The following IFIT1 variants were observed in gnomAD, a reference collection of about 807,000 sequenced individuals.
IFIT1 encodes the protein antiviral innate immune response effector IFIT1.
IFIT1 carries 1 observed loss-of-function variant against 2.5 expected under a neutral mutation model. That is an observed-to-expected ratio of 0.40 (90% CI 0.14 to 1.92). IFIT1 has a LOEUF of 1.92. Among genes scored for constraint, IFIT1 ranks in the 40% most tolerant of loss-of-function variants. The pLI, the probability that IFIT1 is intolerant of heterozygous loss-of-function variation, is 0.31. For missense variants in IFIT1, 508 were observed against 557.8 expected, an observed-to-expected ratio of 0.91 and a Z score of 0.90; for synonymous variants, 191 against 201.7, an observed-to-expected ratio of 0.95 and a Z score of 0.45.
At position 89,403,324 on chromosome 10, in the gene IFIT1, A is replaced by G. The variant is rs1844471293; in HGVS notation, c.1049A>G (p.Tyr350Cys). ...GCTCATCTAGACCTGGCAAGAATGT[A>G]TATAGAAGCAGGCAATCACAGAAAA... ...EVAHLDLARM[Y>C]IEAGNHRKAE... Residue 350 changes from tyrosine to cysteine, a missense_variant, in exon 2 of 2, where the codon TAT becomes TGT. By Grantham distance (194) the Tyr-to-Cys change is radical. Transcript: ENST00000371804. The G allele has an allele frequency of 1.9e-6, 3 of 1,613,650 alleles. No individual in the cohort carries two copies. Among genetic ancestry groups the G allele is most frequent in the Non-Finnish European group, 2.5e-6 (3 of 1,179,922 alleles).
At chr10:89,396,724 A>G (rs1844349827) in intron 1 of IFIT1, among the ~76,000 whole-genome samples, 1 of 152,240 alleles carries the variant, frequency 6.6e-6, no homozygotes, top group African/African-American at 2.4e-5. Flanking sequence ...AGCACTTGTC[A>G]ATACTTGTTC....
Position 89,393,004 on chromosome 10 carries a change from A to G in IFIT1, c.5+287A>G, listed in dbSNP as rs552656301. ...GGAAAAGAGTTTTGCAGGAAGGGAG[A>G]AAATGATCCCAATCTGAGAGATTCT... On this transcript the variant is annotated intron_variant, in intron 1 of 1. Coordinates refer to ENST00000371804, the MANE Select transcript of IFIT1 (RefSeq NM_001548.5). 9 of 760,494 alleles carry G rather than the reference A, an allele frequency of 1.2e-5. No homozygotes were observed. The Admixed American group carries it at 1.9e-4, about 16-fold the overall frequency. The allele number at this position is 760,494 out of a possible 1,614,324, so 47.1% of individuals were successfully genotyped here.
rs1844277592 is a variant in IFIT1, at chr10:89,392,866, CAT to C, written c.5+150_5+151del. The C allele has an allele frequency of 1.5e-5, 12 of 792,678 alleles. No homozygotes were observed. In the East Asian group the frequency reaches 2.9e-4, roughly 19 times the overall value. 49.1% of individuals were successfully genotyped at this position (792,678 alleles called of 1,614,324 possible). ...TGCTTATGGACTGAATGTGTGCATG[CAT>C]GTGTGTGCACGTTCACACATACATA... is the stretch of plus-strand genomic sequence containing the variant. On this transcript the variant is annotated intron_variant, in intron 1 of 1. Transcript: ENST00000371804.
chr10:89,401,754 C>T (rs959245889), intron 1 of IFIT1, among the ~76,000 whole-genome samples: 5 of 149,710 alleles, frequency 3.3e-5, no homozygotes, highest in African/African-American at 9.9e-5. Context: ...TGCAACTTTC[C>T]GTGAATCTGT....
chr10:89,392,687 G>A lies in IFIT1; in HGVS notation c.-26G>A. 6.2e-7 allele frequency: 1 copy of A among 1,613,938 alleles called. No homozygotes were observed. Among genetic ancestry groups the A allele is most frequent in the South Asian group, 1.1e-5 (1 of 91,074 alleles). ...GAGCCTGGCTAAGCAAAACCCTGCA[G>A]AACGGCTGCCTAATTTACAGCAACC... On this transcript the variant is annotated 5_prime_UTR_variant, in exon 1 of 2. Coordinates refer to ENST00000371804, the MANE Select transcript of IFIT1 (RefSeq NM_001548.5).
chr10:89,399,660 T>C (rs1270814231), intron 1 of IFIT1, among the ~76,000 whole-genome samples: 1 of 152,220 alleles, frequency 6.6e-6, no homozygotes. Flanking sequence ...GTCATTCTTA[T>C]TGAAAATCAT....
intron 1 of IFIT1, among the ~76,000 whole-genome samples, chr10:89,396,463 G>T (rs567434987): frequency 6.6e-6 from 1 of 152,264 alleles, no homozygotes; most frequent in African/African-American, 2.4e-5. Context: ...TACAAAGAGG[G>T]TCTAAACCCA....
intron 1 of IFIT1, among the ~76,000 whole-genome samples, chr10:89,393,669 G>A (rs907328555): frequency 6.6e-6 from 1 of 152,222 alleles, no homozygotes. Flanking sequence ...GGCGTAAGTT[G>A]CAGTGAGCTG....
rs368328509 is a variant in IFIT1 at position 89,402,888 on chromosome 10, C to T, written c.613C>T (p.Pro205Ser). 1.3e-4 allele frequency: 202 copies of T among 1,614,106 alleles called. No homozygotes were observed. Among genetic ancestry groups the T allele is most frequent in the Non-Finnish European group, 1.7e-4 (197 of 1,180,052 alleles). ...AAATCACAAGCCATTTTCTTTGCTT[C>T]CCCTAAGGCAGGCTGTCCGCTTAAA... is the stretch of plus-strand genomic sequence containing the variant. Reference protein sequence around the residue: ...TKNHKPFSLLPLRQAVRLNPD... With the variant: ...TKNHKPFSLLSLRQAVRLNPD... Residue 205 changes from proline to serine, a missense_variant, in exon 2 of 2, where the codon CCC (proline) becomes TCC (serine). Transcript: ENST00000371804.
intron 1 of IFIT1, among the ~76,000 whole-genome samples, chr10:89,393,557 AC>A (rs1844289971): frequency 6.6e-6 from 1 of 152,192 alleles, no homozygotes; most frequent in Admixed American, 6.5e-5. Flanking sequence ...ACATGGTGAA[AC>A]CCCATCTCTA....
rs773917190 is a variant in IFIT1 at position 89,402,437 on chromosome 10, A to T, written c.162A>T (p.Ile54=). Residue 54 remains isoleucine, a synonymous_variant, in exon 2 of 2, where the codon ATA becomes ATT. Coordinates refer to ENST00000371804, the MANE Select transcript of IFIT1 (RefSeq NM_001548.5). The part of the protein sequence containing the change: ...EFLDTKYSVG[I]HNLLAYVKHL... Reference sequence around the variant, plus strand: ...TAGACACCAAATACAGTGTGGGAATACACAACCTACTAGCCTATGTGAAAC... The same window carrying T: ...TAGACACCAAATACAGTGTGGGAATTCACAACCTACTAGCCTATGTGAAAC... 2.6e-5 allele frequency: 42 copies of T among 1,614,108 alleles called. No individual in the cohort carries two copies. The highest frequency in any genetic ancestry group is 3.5e-5 in the Non-Finnish European group (41 of 1,180,044).
intron 1 of IFIT1, among the ~76,000 whole-genome samples, chr10:89,394,197 C>T (rs1004393935): frequency 7.0e-6 from 1 of 142,724 alleles, no homozygotes; most frequent in African/African-American, 2.6e-5. Context: ...TAGGCAACTG[C>T]AATACAATGG....
intron 1 of IFIT1, 26 bp from the exon 2 acceptor site, chr10:89,402,253 CAA>C (rs1258652336): frequency 6.8e-7 from 1 of 1,477,882 alleles, no homozygotes; most frequent in Non-Finnish European, 9.2e-7. Context: ...CCTCACCTAA[CAA>C]AGAAAATCTG....
intron 1 of IFIT1, among the ~76,000 whole-genome samples, chr10:89,397,357 AAATTTT>A (rs993119364): frequency 6.6e-6 from 1 of 152,172 alleles, no homozygotes; most frequent in African/African-American, 2.4e-5. Flanking sequence ...TTTAAAATTA[AAATTTT>A]AATTTTAATT....
At position 89,406,423 on chromosome 10, in the gene IFIT1, GGGT is replaced by G. The variant is rs1335788817; in HGVS notation, c.*2712_*2714del. The G allele has an allele frequency of 2.0e-5, 3 of 152,232 alleles. No homozygotes were observed. The highest frequency in any genetic ancestry group is 4.4e-5 in the Non-Finnish European group (3 of 68,070). 9.4% of individuals were successfully genotyped at this position (152,232 alleles called of 1,614,324 possible). A position where few individuals can be genotyped will look rare whatever the true frequency, so the allele number is the denominator to read the frequency against. ...CCGAGCTGGCAGCGGCAACCCGCTC[GGGT>G]CCCCTTCCATGCTGTGGAAGTTTTG... On this transcript the variant is annotated 3_prime_UTR_variant, in exon 2 of 2. Coordinates refer to ENST00000371804, the MANE Select transcript of IFIT1 (RefSeq NM_001548.5).
chr10:89,403,532 C>G lies in IFIT1; in HGVS notation c.1257C>G (p.Ile419Met). ...EQASLTRDKS[I>M]NSLKKLVLRK... ...CATCATTAACAAGGGATAAAAGTAT[C>G]AATTCTTTGAAGAAATTGGTTTTAA... is the stretch of plus-strand genomic sequence containing the variant. The change falls in exon 2 of 2, where the codon ATC becomes ATG. Residue 419 changes from isoleucine (I) to methionine (M), a missense_variant. Coordinates refer to ENST00000371804, the MANE Select transcript of IFIT1 (RefSeq NM_001548.5). 1.2e-6 allele frequency: 2 copies of G among 1,613,832 alleles called. No individual in the cohort carries two copies. The highest frequency in any genetic ancestry group is 1.7e-6 in the Non-Finnish European group (2 of 1,179,862).
At position 89,402,616 on chromosome 10, in the gene IFIT1, C is replaced by G; in HGVS notation, c.341C>G (p.Ala114Gly). The G allele has an allele frequency of 6.2e-7, 1 of 1,614,184 alleles. No individual in the cohort carries two copies. The highest frequency in any genetic ancestry group is 8.5e-7 in the Non-Finnish European group (1 of 1,180,038). The change falls in exon 2 of 2, where the codon GCC becomes GGC. Residue 114 changes from alanine to glycine, a missense_variant. By Grantham distance (60) the Ala-to-Gly change is moderately conservative. Transcript: ENST00000371804. ...TACCACATGGGCAGACTGGCAGAAGCCCAGACTTACCTGGACAAGGTGGAG... is the reference window on the plus strand; with the variant it reads ...TACCACATGGGCAGACTGGCAGAAGGCCAGACTTACCTGGACAAGGTGGAG... ...MYYHMGRLAE[A>G]QTYLDKVENI...
intron 1 of IFIT1, chr10:89,393,382 G>C: frequency 9.8e-7 from 1 of 1,024,736 alleles, no homozygotes. Context: ...TGCTTGGGAA[G>C]ATCCGTATCT....
Position 89,403,814 on chromosome 10 carries a change from T to C in IFIT1, c.*102T>C. The stretch of plus-strand genomic sequence containing the variant: ...TTTTCAGAAACATTATAATTCACTG[T>C]AATGATGTAATTCTTGAATAATAAA... On this transcript the variant is annotated 3_prime_UTR_variant, in exon 2 of 2. Coordinates refer to ENST00000371804, the MANE Select transcript of IFIT1 (RefSeq NM_001548.5). 1 of 658,014 alleles carries C rather than the reference T, an allele frequency of 1.5e-6. No individual in the cohort carries two copies. Among genetic ancestry groups the C allele is most frequent in the South Asian group, 2.1e-5 (1 of 46,554 alleles). 40.8% of individuals were successfully genotyped at this position (658,014 alleles called of 1,614,324 possible). A position where few individuals can be genotyped will look rare whatever the true frequency, so the allele number is the denominator to read the frequency against.
Sources: gnomAD v4.1 joint callset for allele counts (sites outside exome capture counted in the v4.1 genomes callset) on GRCh38, gnomAD v4.1.1 for gene constraint, MANE v1.5 for transcripts, NCBI Gene and HGNC (gene_info 2026-07-23, HGNC 2026-07-21) for gene names.